The following SLC25A24 variants were observed in gnomAD, a reference collection of about 807,000 sequenced individuals.
SLC25A24 encodes the protein solute carrier family 25 member 24.
SLC25A24 carries 49 observed loss-of-function variants against 60.7 expected under a neutral mutation model. The ratio of observed to expected loss-of-function variants is 0.81; its 90% CI spans 0.64 to 1.02. The LOEUF is 1.02. Ranked by LOEUF, SLC25A24 falls within the 50% of genes least tolerant of loss-of-function variation. The pLI is 0.00. For synonymous variants in SLC25A24, 202 were observed against 200.6 expected (o/e 1.01, Z -0.06); for missense variants, 564 against 586.3 (o/e 0.96, Z 0.39).
In SLC25A24 at chr1:108,187,927, G is replaced by GATAGATAGATAGATATATATATATAT; in HGVS notation, c.184-1974_184-1973insATATATATATATATCTATCTATCTAT. ...TACACGAAATGGATAAGACATTATAGATATATATATATATATATTCATGCA... is the reference window on the plus strand; with the variant it reads ...TACACGAAATGGATAAGACATTATAGATAGATAGATAGATATATATATATATATATATATATATATATATTCATGCA... On this transcript the variant is annotated intron_variant, in intron 1 of 9. Transcript: ENST00000565488. Among the ~76,000 whole-genome samples, 82 of 95,770 alleles carry GATAGATAGATAGATATATATATATAT rather than the reference G, an allele frequency of 8.6e-4. 3 individuals carry two copies. Among genetic ancestry groups the GATAGATAGATAGATATATATATATAT allele is most frequent in the East Asian group, 1.5e-3 (4 of 2,734 alleles). 62.8% of individuals were successfully genotyped at this position (95,770 alleles called of 152,430 possible). A position where few individuals can be genotyped will look rare whatever the true frequency, so the allele number is the denominator to read the frequency against.
chr1:108,152,121 A>T (rs1050719060), intron 6 of SLC25A24, among the ~76,000 whole-genome samples: 6 of 152,080 alleles, frequency 3.9e-5, no homozygotes, highest in Non-Finnish European at 7.4e-5. Flanking sequence ...TACTCATTTC[A>T]CTTCCCTATA....
rs551089587 is a variant in SLC25A24, at chr1:108,149,522, T to C, written c.823-1136A>G. On this transcript the variant is annotated intron_variant, in intron 6 of 9. Transcript: ENST00000565488. ...CACGGTTAGTGCAGGTCTGAACACCTAGCAAATGTTCAGTAGATGTTATTA... is the reference window on the plus strand; with the variant it reads ...CACGGTTAGTGCAGGTCTGAACACCCAGCAAATGTTCAGTAGATGTTATTA... Among the ~76,000 whole-genome samples, 3 of 152,344 alleles carry C rather than the reference T, an allele frequency of 2.0e-5. No individual in the cohort carries two copies. The East Asian group carries it at 5.8e-4, about 29-fold the overall frequency.
At chr1:108,186,713 T>C (rs778310376) in intron 1 of SLC25A24, among the ~76,000 whole-genome samples, 4 of 152,186 alleles carry the variant, frequency 2.6e-5, no homozygotes, top group African/African-American at 4.8e-5. Context: ...CTACCTATTA[T>C]GACACTCATA....
At chr1:108,161,411 A>C in intron 3 of SLC25A24, 118 bp from the exon 4 acceptor site, 1 of 642,788 alleles carries the variant, frequency 1.6e-6, no homozygotes, top group Middle Eastern at 4.2e-4. Context: ...ATTAAATTAA[A>C]AAACCCCATC....
intron 4 of SLC25A24, among the ~76,000 whole-genome samples, chr1:108,159,969 T>C (rs1680012523): frequency 6.6e-6 from 1 of 152,118 alleles, no homozygotes; most frequent in African/African-American, 2.4e-5. Flanking sequence ...CCGTTCTCAA[T>C]GAGCTGTTGG....
chr1:108,199,695 T>C (rs1303790286), intron 1 of SLC25A24: 5 of 541,764 alleles, frequency 9.2e-6, no homozygotes, highest in African/African-American at 3.9e-5. Flanking sequence ...AATTTAACAG[T>C]GCCCGTGGGC....
At chr1:108,160,601 C>T (rs1011730253) in intron 4 of SLC25A24, among the ~76,000 whole-genome samples, 1 of 152,188 alleles carries the variant, frequency 6.6e-6, no homozygotes, top group African/African-American at 2.4e-5. Context: ...AGGCAGGCGG[C>T]TGGGAGGTGG....
intron 1 of SLC25A24, among the ~76,000 whole-genome samples, chr1:108,196,415 G>T (rs1180030351): frequency 1.3e-5 from 2 of 152,194 alleles, no homozygotes. Context: ...TGTCCAGGAT[G>T]CAGGCAAGAT....
At chr1:108,154,073 ATT>A (rs3043351) in intron 6 of SLC25A24, among the ~76,000 whole-genome samples, 18 of 133,460 alleles carry the variant, frequency 1.3e-4, no homozygotes, top group East Asian at 6.6e-4. Flanking sequence ...ATTTTCTTTA[ATT>A]TTTTTTTTTT....
intron 9 of SLC25A24, among the ~76,000 whole-genome samples, chr1:108,138,260 G>A (rs922512135): frequency 6.6e-5 from 10 of 152,204 alleles, no homozygotes; most frequent in Non-Finnish European, 1.2e-4. Flanking sequence ...ATGGGACAAT[G>A]GCTCAGGGAG....
intron 1 of SLC25A24, among the ~76,000 whole-genome samples, chr1:108,198,091 G>C (rs193286104): frequency 6.6e-6 from 1 of 152,134 alleles, no homozygotes; most frequent in Non-Finnish European, 1.5e-5. Flanking sequence ...TTGTGACACA[G>C]CAGGAAAGCC....
At chr1:108,161,328 T>G in intron 3 of SLC25A24, 35 bp from the exon 4 acceptor site, 2 of 1,044,028 alleles carry the variant, frequency 1.9e-6, no homozygotes, top group South Asian at 2.7e-5. Flanking sequence ...AGTACAAAAC[T>G]AAATTGATAA....
chr1:108,139,149 C>T lies in SLC25A24; in HGVS notation c.1158G>A (p.Met386Ile), dbSNP rs374939215. 6.2e-6 allele frequency: 10 copies of T among 1,611,322 alleles called. No individual in the cohort carries two copies. The African/African-American group carries it at 6.7e-5, about 11-fold the overall frequency. ...FAKDSVNPGV[M>I]VLLGCGALSS... ...ATAAGGCACCGCATCCCAGCAACAC[C>T]ATGACTCCAGGGTTTACAGAATCTT... The change falls in exon 9 of 10, where the codon ATG (methionine) becomes ATA (isoleucine). Residue 386 changes from methionine (M) to isoleucine (I), a missense_variant. By Grantham distance (10) the Met-to-Ile change is conservative (BLOSUM62 1). Coordinates refer to ENST00000565488, the MANE Select transcript of SLC25A24 (RefSeq NM_013386.5).
rs538974136 is a variant in SLC25A24, at chr1:108,179,372, G to T, written c.398+2569C>A. On this transcript the variant is annotated intron_variant, in intron 3 of 9. Transcript: ENST00000565488. ...AAATATAGAACTACCATATGATCCT[G>T]CAATCCCACCACTGTATGTATGTGT... Among the ~76,000 whole-genome samples, 185 of 152,194 alleles carry T rather than the reference G, an allele frequency of 1.2e-3. 1 individual carries two copies. Among genetic ancestry groups the T allele is most frequent in the African/African-American group, 4.1e-3 (171 of 41,518 alleles).
intron 6 of SLC25A24, among the ~76,000 whole-genome samples, chr1:108,152,736 T>C (rs1679789402): frequency 6.6e-6 from 1 of 152,210 alleles, no homozygotes; most frequent in Non-Finnish European, 1.5e-5. Context: ...TAATAAGGGT[T>C]TCCTGGCACT....
At chr1:108,148,634 T>C (rs1452482919) in intron 6 of SLC25A24, among the ~76,000 whole-genome samples, 1 of 152,130 alleles carries the variant, frequency 6.6e-6, no homozygotes, top group Non-Finnish European at 1.5e-5. Flanking sequence ...GAAAAGACCA[T>C]GTGAGCACAT....
Position 108,136,608 on chromosome 1 carries a change from A to C in SLC25A24, c.*45T>G, listed in dbSNP as rs1009766940. 1.3e-6 allele frequency: 2 copies of C among 1,525,028 alleles called. No individual in the cohort carries two copies. Among genetic ancestry groups the C allele is most frequent in the Admixed American group, 3.5e-5 (2 of 57,322 alleles). 94.5% of individuals were successfully genotyped at this position (1,525,028 alleles called of 1,614,324 possible). ...TCGAGGAGAAAAAGTCACTCCAGAG[A>C]TTGTTGAAAGTTTCAATTATCAGGC... On this transcript the variant is annotated 3_prime_UTR_variant, in exon 10 of 10. Coordinates refer to ENST00000565488, the MANE Select transcript of SLC25A24 (RefSeq NM_013386.5).
At chr1:108,175,304 G>GT (rs1012180757) in intron 3 of SLC25A24, among the ~76,000 whole-genome samples, 4 of 152,058 alleles carry the variant, frequency 2.6e-5, no homozygotes, top group Admixed American at 2.6e-4. Context: ...TTTTATAAGG[G>GT]TTTTTTTCCC....
At chr1:108,172,827 G>A (rs1360570522) in intron 3 of SLC25A24, among the ~76,000 whole-genome samples, 1 of 152,060 alleles carries the variant, frequency 6.6e-6, no homozygotes, top group East Asian at 1.9e-4. Context: ...GGTCCATGAT[G>A]GTTATATAAC....
Sources: allele counts gnomAD v4.1 joint callset (sites outside exome capture counted in the v4.1 genomes callset), GRCh38; gene constraint gnomAD v4.1.1; transcripts MANE v1.5; gene names NCBI Gene and HGNC (gene_info 2026-07-23, HGNC 2026-07-21).